Variants in BRD4 observed in about 807,000 individuals in gnomAD.
BRD4 encodes bromodomain containing 4.
A neutral mutation model predicts 142.1 loss-of-function variants in BRD4; 16 were observed. The observed-to-expected ratio is 0.11, with a 90% CI of 0.08 to 0.17. The LOEUF is 0.17. Ranked by LOEUF, BRD4 falls within the 10% of genes least tolerant of loss-of-function variation. The probability of loss-of-function intolerance (pLI) is 1.00; values close to 1 mark genes in which losing one functional copy is unlikely to be tolerated. For missense variants in BRD4, 1,424 were observed against 1,810.9 expected (o/e 0.79, Z 3.88); for synonymous variants, 833 against 707.5 (o/e 1.18, Z -2.82).
Position 15,238,701 on chromosome 19 carries a change from C to A in BRD4, c.4020+42G>T. On this transcript the variant is annotated intron_variant, in intron 19 of 19. Coordinates refer to ENST00000679869, the MANE Select transcript of BRD4 (RefSeq NM_001379291.1). This position sits in a 1 kb window ranked among gnomAD's most constrained non-coding sequence, Gnocchi z 7.2. Reference sequence around the variant, plus strand: ...CCCCCTTTCCCAGCTCCCTCAGGAGCTAATCCTTAGACCAGGGTCCCCACC... The same window carrying A: ...CCCCCTTTCCCAGCTCCCTCAGGAGATAATCCTTAGACCAGGGTCCCCACC... 6.8e-7 allele frequency: 1 copy of A among 1,470,108 alleles called. No homozygotes were observed. The highest frequency in any genetic ancestry group is 9.0e-7 in the Non-Finnish European group (1 of 1,109,850). The allele number at this position is 1,470,108 out of a possible 1,614,324, so 91.1% of individuals were successfully genotyped here.
At chr19:15,247,998 C>T in intron 11 of BRD4, 1 of 222,140 alleles carries the variant, frequency 4.5e-6, no homozygotes, top group Non-Finnish European at 9.0e-6. Flanking sequence ...GGTGGGGAGC[C>T]TGCACCCAAG....
intron 1 of BRD4, among the ~76,000 whole-genome samples, chr19:15,282,524 C>G (rs1387350396): frequency 1.3e-5 from 2 of 152,234 alleles, no homozygotes; most frequent in African/African-American, 2.4e-5. Flanking sequence ...CAAGCCCATA[C>G]TGGCCTCTTG....
At chr19:15,322,845 A>T (rs1194749370) in intron 1 of BRD4, among the ~76,000 whole-genome samples, 2 of 129,332 alleles carry the variant, frequency 1.5e-5, no homozygotes, top group East Asian at 4.5e-4. Context: ...CTAGCCTGGG[A>T]GATAGAGAGA....
In BRD4 at chr19:15,306,443, A is replaced by T. The variant is rs563142434; in HGVS notation, c.-35+25847T>A. On this transcript the variant is annotated intron_variant, in intron 1 of 19. Transcript: ENST00000679869. ...GCCACCATGCCTGGCTACTTTTTCC[A>T]TTTTTTTTATGAAGACGAGGCCTCA... Among the ~76,000 whole-genome samples, 19 of 151,294 alleles carry T rather than the reference A, an allele frequency of 1.3e-4. 1 individual carries two copies. The South Asian group carries it at 1.3e-3, about 10-fold the overall frequency.
chr19:15,307,179 T>C (rs1189399325), intron 1 of BRD4, among the ~76,000 whole-genome samples: 1 of 152,044 alleles, frequency 6.6e-6, no homozygotes, highest in Non-Finnish European at 1.5e-5. Context: ...CAAATCAGAA[T>C]CACTCAAAAT....
chr19:15,239,960 T>G lies in BRD4; in HGVS notation c.3232A>C (p.Ser1078Arg). Residue 1078 changes from serine (S) to arginine (R), a missense_variant, in exon 15 of 20, where the codon AGC (serine) becomes CGC (arginine). Around this residue, in one of 16 missense-constraint regions of BRD4, gnomAD observed 598 missense variants for 647.8 expected, o/e 0.92. Coordinates refer to ENST00000679869, the MANE Select transcript of BRD4 (RefSeq NM_001379291.1). This position sits in a 1 kb window ranked among gnomAD's most constrained non-coding sequence, Gnocchi z 7.4. ...TGGGGTGGAGACTGGTGGGTCAGGC[T>G]CTGGAACTGTGACATCTGGGGGGAA... is the stretch of plus-strand genomic sequence containing the variant. The part of the protein sequence containing the change: ...IHSPQMSQFQ[S>R]LTHQSPPQQN... 2 of 1,613,782 alleles carry G rather than the reference T, an allele frequency of 1.2e-6. No homozygotes were observed.
rs199801990 is a variant in BRD4, at chr19:15,265,511, T to G, written c.692A>C (p.Asp231Ala). 1.2e-5 allele frequency: 19 copies of G among 1,612,424 alleles called. No individual in the cohort carries two copies. In the East Asian group the frequency reaches 4.2e-4, roughly 36 times the overall value. ...CATGACAGGGGTCTGGACGATGAGG[T>G]CCGGGGTGACGGCAGGGAAGGGGTG... ...TPHPFPAVTP[D>A]LIVQTPVMTV... Residue 231 changes from aspartate (D) to alanine (A), a missense_variant, in exon 5 of 20, where the codon GAC becomes GCC. Physicochemically the swap from Asp to Ala is moderately radical, Grantham distance 126 (BLOSUM62 -2). This residue lies in a region of BRD4 where 140 missense variants were observed against 131.7 expected (regional missense o/e 1.06). Coordinates refer to ENST00000679869, the MANE Select transcript of BRD4 (RefSeq NM_001379291.1).
intron 1 of BRD4, among the ~76,000 whole-genome samples, chr19:15,288,536 T>A (rs2047757245): frequency 6.6e-6 from 1 of 152,256 alleles, no homozygotes. Context: ...CATCCGGAAC[T>A]GCAGACACTG....
Position 15,238,184 on chromosome 19 carries a change from G to C in BRD4, c.*193C>G. ...AGGGGTGGTGGGTGGCGGGACGTCT[G>C]TCCGACTGGCCGTAAGGCAGACAGG... On this transcript the variant is annotated 3_prime_UTR_variant, in exon 20 of 20. Transcript: ENST00000679869. The surrounding 1 kb of genome is among the most constrained non-coding windows in gnomAD (Gnocchi z 7.2). 4 of 868,312 alleles carry C rather than the reference G, an allele frequency of 4.6e-6. No individual in the cohort carries two copies. Among genetic ancestry groups the C allele is most frequent in the Non-Finnish European group, 6.9e-6 (4 of 577,798 alleles). 53.8% of individuals were successfully genotyped at this position (868,312 alleles called of 1,614,324 possible).
chr19:15,307,857 G>C (rs573346014), intron 1 of BRD4, among the ~76,000 whole-genome samples: 1 of 152,278 alleles, frequency 6.6e-6, no homozygotes, highest in East Asian at 1.9e-4. Flanking sequence ...GCTCACACTT[G>C]TAATCCCAGC....
chr19:15,244,140 A>G, intron 13 of BRD4, 91 bp downstream of exon 13: 1 of 1,532,414 alleles, frequency 6.5e-7, no homozygotes. Flanking sequence ...GCTGAGGCTA[A>G]GAAGCTGCCC....
chr19:15,294,192 T>G (rs1459364889), intron 1 of BRD4, among the ~76,000 whole-genome samples: 2 of 152,272 alleles, frequency 1.3e-5, no homozygotes, highest in African/African-American at 4.8e-5. Context: ...AAACTAAACA[T>G]TTCTGTGTTG....
intron 7 of BRD4, among the ~76,000 whole-genome samples, chr19:15,259,851 G>A (rs1335140315): frequency 6.6e-6 from 1 of 152,248 alleles, no homozygotes; most frequent in African/African-American, 2.4e-5. Flanking sequence ...TGAACTGGAA[G>A]TGTGCTGAGA....
At chr19:15,264,265 C>A in intron 6 of BRD4, 139 bp downstream of exon 6, 1 of 1,238,010 alleles carries the variant, frequency 8.1e-7, no homozygotes, top group Non-Finnish European at 1.1e-6. Flanking sequence ...CGCTGAGTTT[C>A]TTCGAGTTGG....
chr19:15,272,899 G>A lies in BRD4; in HGVS notation c.201C>T (p.Leu67=). ...TCCATAGTGTCTTGAGCACCACTCT[G>A]AGCAGGTATTGCAGTTGGTTGGTCT... ...KRQTNQLQYL[L]RVVLKTLWKH... is the part of the protein sequence containing the mutation. Residue 67 remains leucine, a synonymous_variant, in exon 2 of 20, where the codon CTC becomes CTT. Coordinates refer to ENST00000679869, the MANE Select transcript of BRD4 (RefSeq NM_001379291.1). 1 of 1,614,192 alleles carries A rather than the reference G, an allele frequency of 6.2e-7. No homozygotes were observed. Among genetic ancestry groups the A allele is most frequent in the Admixed American group, 1.7e-5 (1 of 60,022 alleles).
chr19:15,298,187 C>T (rs553591018), intron 1 of BRD4, among the ~76,000 whole-genome samples: 4 of 152,330 alleles, frequency 2.6e-5, no homozygotes, highest in Admixed American at 6.5e-5. Flanking sequence ...GGCACAAACA[C>T]GGGTGGAGGT....
intron 1 of BRD4, among the ~76,000 whole-genome samples, chr19:15,287,350 T>C (rs1372851273): frequency 1.3e-5 from 2 of 152,222 alleles, no homozygotes; most frequent in Non-Finnish European, 2.9e-5. Flanking sequence ...TATAGTTTGG[T>C]GACATTAAGT....
chr19:15,297,342 GC>G (rs1362735984), intron 1 of BRD4, among the ~76,000 whole-genome samples: 1 of 152,136 alleles, frequency 6.6e-6, no homozygotes, highest in Non-Finnish European at 1.5e-5. Context: ...CTACTTGAGA[GC>G]CGCTGCTAAG....
intron 1 of BRD4, among the ~76,000 whole-genome samples, chr19:15,299,117 A>T (rs2047847613): frequency 6.6e-6 from 1 of 152,202 alleles, no homozygotes; most frequent in Non-Finnish European, 1.5e-5. Context: ...ATTTTGTAGA[A>T]ATAGGCAGTG....
Sources: gnomAD v4.1 joint callset for allele counts (sites outside exome capture counted in the v4.1 genomes callset) on GRCh38, gnomAD v4.1.1 for gene constraint, gnomAD v4.1.1 regional missense constraint, Gnocchi (gnomAD v3.1) non-coding constraint, MANE v1.5 for transcripts, NCBI Gene and HGNC (gene_info 2026-07-23, HGNC 2026-07-21) for gene names.